Variants in ZCCHC7 observed in about 807,000 individuals in gnomAD.
ZCCHC7 encodes zinc finger CCHC domain-containing protein 7.
A neutral mutation model predicts 52.0 loss-of-function variants in ZCCHC7; 35 were observed. The observed-to-expected ratio is 0.67, with a 90% confidence interval of 0.51 to 0.89. The LOEUF (loss-of-function observed/expected upper bound fraction) is 0.89. Ranked by LOEUF, ZCCHC7 falls within the 40% of genes least tolerant of loss-of-function variation. ZCCHC7 has a pLI of 0.00. For missense variants in ZCCHC7, 574 were observed against 649.1 expected (o/e 0.88, Z 1.26); for synonymous variants, 217 against 221.5 (o/e 0.98, Z 0.18).
At chr9:37,175,048 AT>A (rs1308970690) in intron 2 of ZCCHC7, among the ~76,000 whole-genome samples, 3 of 151,930 alleles carry the variant, frequency 2.0e-5, no homozygotes, top group Non-Finnish European at 2.9e-5. Flanking sequence ...AGGCACGAGA[AT>A]TGCGTGAACC....
chr9:37,345,484 T>G (rs1486175272), intron 6 of ZCCHC7, among the ~76,000 whole-genome samples: 2 of 152,228 alleles, frequency 1.3e-5, no homozygotes, highest in Non-Finnish European at 2.9e-5. Flanking sequence ...TCCCAGCATT[T>G]GGGGAGGCTG....
rs1843488165 is a variant in ZCCHC7 at position 37,147,505 on chromosome 9, C to T, written c.610+20563C>T. The T allele has an allele frequency of 3.3e-5, 5 of 150,280 alleles. No homozygotes were observed. The South Asian group carries it at 8.4e-4, about 25-fold the overall frequency. 9.3% of individuals were successfully genotyped at this position (150,280 alleles called of 1,614,324 possible). ...TAAGAGTGGGGGGAAAAAACAAATC[C>T]CAAGAAAATAAATGGAAGGTGAGTG... On this transcript the variant is annotated intron_variant, in intron 2 of 8. Transcript: ENST00000336755.
In ZCCHC7 at chr9:37,126,941, A is replaced by T; in HGVS notation, c.609A>T (p.Glu203Asp). 6.2e-7 allele frequency: 1 copy of T among 1,612,650 alleles called. No homozygotes were observed. The highest frequency in any genetic ancestry group is 8.5e-7 in the Non-Finnish European group (1 of 1,179,644). Residue 203 changes from glutamate (E) to aspartate (D), a missense_variant and splice_region_variant, in exon 2 of 9, where the codon GAA (glutamate) becomes GAT (aspartate). By Grantham distance (45) the Glu-to-Asp change is conservative (BLOSUM62 2). Transcript: ENST00000336755. The stretch of plus-strand genomic sequence containing the variant: ...TGGGATGTGAAAACTCTGTTACTGA[A>T]GGTTAGTATCATATTGGCCATTTTG... ...NLVGCENSVTEGEDGINWSIS... is the reference protein window; with the variant it reads ...NLVGCENSVTDGEDGINWSIS...
At chr9:37,222,328 A>T (rs550623573) in intron 2 of ZCCHC7, among the ~76,000 whole-genome samples, 14 of 133,008 alleles carry the variant, frequency 1.1e-4, no homozygotes, top group African/African-American at 2.9e-4. Flanking sequence ...AGAATAACAG[A>T]GTGTGTGTGT....
At chr9:37,159,674 C>G (rs1238586639) in intron 2 of ZCCHC7, among the ~76,000 whole-genome samples, 1 of 152,120 alleles carries the variant, frequency 6.6e-6, no homozygotes, top group Non-Finnish European at 1.5e-5. Flanking sequence ...CCGTTCTGTT[C>G]CTATAACATT....
At chr9:37,262,648 A>G (rs1826922981) in intron 2 of ZCCHC7, among the ~76,000 whole-genome samples, 1 of 152,206 alleles carries the variant, frequency 6.6e-6, no homozygotes, top group Non-Finnish European at 1.5e-5. Flanking sequence ...GATACCAGGG[A>G]AAATCATACA....
chr9:37,305,380 A>C (rs1048102544), intron 4 of ZCCHC7, among the ~76,000 whole-genome samples, 164 bp from the exon 5 acceptor site: 6 of 152,220 alleles, frequency 3.9e-5, no homozygotes, highest in Admixed American at 6.5e-5. Flanking sequence ...ATATACATAC[A>C]GTGTTTTGGA....
chr9:37,286,640 C>A (rs1313013553), intron 2 of ZCCHC7, among the ~76,000 whole-genome samples: 2 of 150,496 alleles, frequency 1.3e-5, no homozygotes, highest in Non-Finnish European at 2.9e-5. Context: ...ATGAGTGAGA[C>A]CCTGTCTCAA....
At chr9:37,181,523 A>C (rs2133049958) in intron 2 of ZCCHC7, among the ~76,000 whole-genome samples, 1 of 152,356 alleles carries the variant, frequency 6.6e-6, no homozygotes, top group South Asian at 2.1e-4. Context: ...CTTAAAATGG[A>C]ATATTATTCA....
intron 2 of ZCCHC7, among the ~76,000 whole-genome samples, chr9:37,142,420 G>T (rs575867425): frequency 6.6e-6 from 1 of 151,790 alleles, no homozygotes; most frequent in Admixed American, 6.6e-5. Context: ...TTTTCTTGTG[G>T]ATGTAGTGCT....
chr9:37,226,534 A>G (rs950777521), intron 2 of ZCCHC7, among the ~76,000 whole-genome samples: 4 of 152,222 alleles, frequency 2.6e-5, no homozygotes, highest in East Asian at 1.9e-4. Flanking sequence ...GATGTATGGG[A>G]CAGAAAAGAA....
At chr9:37,324,350 G>A (rs1286724020) in intron 5 of ZCCHC7, among the ~76,000 whole-genome samples, 4 of 152,194 alleles carry the variant, frequency 2.6e-5, no homozygotes, top group South Asian at 2.1e-4. Context: ...AAGATTTGCC[G>A]CTAGCAGTGG....
chr9:37,177,779 A>G (rs1193165396), intron 2 of ZCCHC7, among the ~76,000 whole-genome samples: 17 of 152,148 alleles, frequency 1.1e-4, no homozygotes, highest in Admixed American at 1.1e-3. Context: ...TGAGAAAGAC[A>G]TCAAACAAAT....
intron 1 of ZCCHC7, among the ~76,000 whole-genome samples, chr9:37,124,671 A>C (rs975770762): frequency 6.6e-6 from 1 of 152,192 alleles, no homozygotes; most frequent in African/African-American, 2.4e-5. Context: ...GCCTGGTTGC[A>C]AGTGATTTTG....
intron 2 of ZCCHC7, among the ~76,000 whole-genome samples, chr9:37,145,447 G>T (rs184677084): frequency 6.6e-6 from 1 of 151,584 alleles, no homozygotes; most frequent in Non-Finnish European, 1.5e-5. Flanking sequence ...TGTAATTATC[G>T]TTCAGAAGGG....
At chr9:37,198,574 T>C (rs761069522) in intron 2 of ZCCHC7, among the ~76,000 whole-genome samples, 13 of 152,132 alleles carry the variant, frequency 8.5e-5, no homozygotes, top group Non-Finnish European at 1.8e-4. Context: ...AGATCTAGAG[T>C]CTATGAGGAA....
intron 2 of ZCCHC7, among the ~76,000 whole-genome samples, chr9:37,211,492 T>C (rs1022224908): frequency 5.3e-5 from 8 of 151,710 alleles, no homozygotes; most frequent in African/African-American, 2.0e-4. Context: ...CACAGTGCTT[T>C]GATTCACACT....
intron 3 of ZCCHC7, among the ~76,000 whole-genome samples, chr9:37,303,807 A>G (rs1420530191): frequency 6.6e-6 from 1 of 151,710 alleles, no homozygotes; most frequent in Non-Finnish European, 1.5e-5. Flanking sequence ...GGGATTACAG[A>G]CCTGCGCCAC....
At chr9:37,307,852 A>C (rs1013743616) in intron 5 of ZCCHC7, among the ~76,000 whole-genome samples, 12 of 152,162 alleles carry the variant, frequency 7.9e-5, no homozygotes, top group Non-Finnish European at 1.6e-4. Context: ...TTTTTAAACA[A>C]ACAGTGGTGC....
Sources: allele counts gnomAD v4.1 joint callset (sites outside exome capture counted in the v4.1 genomes callset), GRCh38; gene constraint gnomAD v4.1.1; transcripts MANE v1.5; gene names NCBI Gene and HGNC (gene_info 2026-07-23, HGNC 2026-07-21).